GRIK2: variants seen among roughly 807,000 people sequenced by gnomAD.
The protein encoded by GRIK2 is glutamate ionotropic receptor kainate type subunit 2.
In GRIK2, 32 loss-of-function variants were observed where a neutral mutation model predicts 100.3. The ratio of observed to expected loss-of-function variants is 0.32; its 90% CI spans 0.24 to 0.43. GRIK2 has a LOEUF of 0.43. Ranked by LOEUF, GRIK2 falls within the 20% of genes least tolerant of loss-of-function variation. The pLI is 1.00. For missense variants in GRIK2, 843 were observed against 1,114.9 expected (o/e 0.76, Z 3.47); for synonymous variants, 417 against 389.4 (o/e 1.07, Z -0.83).
chr6:102,051,262 TTCCTTCCTTCCTTCCTTCC>T (rs1771174492), intron 15 of GRIK2, among the ~76,000 whole-genome samples: 7 of 125,562 alleles, frequency 5.6e-5, no homozygotes, highest in Non-Finnish European at 1.0e-4. Flanking sequence ...CCTTCCTTCC[TTCCTTCCTTCCTTCCTTCC>T]TTCCTTCCTT....
intron 10 of GRIK2, among the ~76,000 whole-genome samples, chr6:101,830,692 A>G (rs1000161898): frequency 1.3e-5 from 2 of 151,362 alleles, no homozygotes; most frequent in African/African-American, 4.9e-5. Flanking sequence ...AATGGCTATT[A>G]TTAAAAAAGT....
At chr6:101,831,300 T>G (rs972814973) in intron 10 of GRIK2, among the ~76,000 whole-genome samples, 1 of 152,128 alleles carries the variant, frequency 6.6e-6, no homozygotes, top group African/African-American at 2.4e-5. Context: ...TTTTTGATTT[T>G]CACAAACCAG....
intron 2 of GRIK2, among the ~76,000 whole-genome samples, chr6:101,570,468 G>T (rs1237758424): frequency 6.6e-6 from 1 of 151,904 alleles, no homozygotes; most frequent in Non-Finnish European, 1.5e-5. Context: ...TTTCTTTTCT[G>T]CCCAGCCTCC....
At chr6:101,997,649 T>A (rs558466231) in intron 14 of GRIK2, among the ~76,000 whole-genome samples, 1 of 152,186 alleles carries the variant, frequency 6.6e-6, no homozygotes, top group East Asian at 1.9e-4. Flanking sequence ...GTGGTGCCAG[T>A]TAATGTGTCA....
At chr6:102,011,187 C>T in intron 14 of GRIK2, among the ~76,000 whole-genome samples, 1 of 152,118 alleles carries the variant, frequency 6.6e-6, no homozygotes, top group East Asian at 1.9e-4. Context: ...TCTTGTTGTT[C>T]CAGATTCTTA....
intron 13 of GRIK2, 91 bp from the exon 14 acceptor site, chr6:101,928,324 C>T: frequency 1.4e-6 from 1 of 728,118 alleles, no homozygotes; most frequent in East Asian, 2.5e-5. Flanking sequence ...TTTTATTACA[C>T]AGTGATTCCA....
chr6:101,629,103 A>G (rs893937076), intron 4 of GRIK2, among the ~76,000 whole-genome samples: 28 of 152,138 alleles, frequency 1.8e-4, no homozygotes, highest in African/African-American at 6.8e-4. Flanking sequence ...ATAGGGACAT[A>G]TGTATAGCTA....
At chr6:101,584,209 A>T (rs1215481901) in intron 2 of GRIK2, among the ~76,000 whole-genome samples, 2 of 152,070 alleles carry the variant, frequency 1.3e-5, no homozygotes, top group African/African-American at 2.4e-5. Flanking sequence ...ACTTTCCTAG[A>T]TTTAGTGATG....
At chr6:102,047,999 C>T (rs945000960) in intron 15 of GRIK2, among the ~76,000 whole-genome samples, 2 of 151,106 alleles carry the variant, frequency 1.3e-5, no homozygotes, top group South Asian at 4.2e-4. Flanking sequence ...TGGTACTGCC[C>T]CCCTCCCAAG....
intron 7 of GRIK2, among the ~76,000 whole-genome samples, chr6:101,738,862 A>G (rs1775847761): frequency 6.6e-6 from 1 of 152,198 alleles, no homozygotes; most frequent in Non-Finnish European, 1.5e-5. Context: ...CAATAAAGAA[A>G]AATAACATAA....
At chr6:101,672,900 T>C (rs528523901) in intron 4 of GRIK2, among the ~76,000 whole-genome samples, 219 of 152,292 alleles carry the variant, frequency 1.4e-3, no homozygotes, top group Admixed American at 3.3e-3. Flanking sequence ...TGCATGTTTT[T>C]TAATGGTAGA....
intron 14 of GRIK2, among the ~76,000 whole-genome samples, chr6:101,966,752 C>T (rs541140789): frequency 3.9e-5 from 6 of 152,136 alleles, no homozygotes; most frequent in African/African-American, 1.4e-4. Flanking sequence ...TGAATAAATC[C>T]ATCAAAACTG....
intron 4 of GRIK2, among the ~76,000 whole-genome samples, chr6:101,664,596 T>A (rs1769873079): frequency 6.6e-6 from 1 of 152,248 alleles, no homozygotes; most frequent in African/African-American, 2.4e-5. Context: ...CACTGCTTAC[T>A]TTTTGATAAT....
At chr6:101,597,950 G>A (rs1203668843) in intron 2 of GRIK2, among the ~76,000 whole-genome samples, 1 of 151,484 alleles carries the variant, frequency 6.6e-6, no homozygotes, top group East Asian at 1.9e-4. Context: ...CAATCTGGTC[G>A]GGCAGCTGTT....
intron 14 of GRIK2, among the ~76,000 whole-genome samples, chr6:101,952,176 G>A (rs1158107450): frequency 1.3e-5 from 2 of 152,186 alleles, no homozygotes; most frequent in African/African-American, 4.8e-5. Flanking sequence ...GAACCATCCA[G>A]TATGTAACCT....
At chr6:102,061,923 A>T (rs1771773082) in intron 16 of GRIK2, among the ~76,000 whole-genome samples, 1 of 150,422 alleles carries the variant, frequency 6.6e-6, no homozygotes, top group Non-Finnish European at 1.5e-5. Flanking sequence ...CTTAAAAAAA[A>T]TCGTATCATT....
intron 14 of GRIK2, among the ~76,000 whole-genome samples, chr6:101,969,587 G>A (rs1327865821): frequency 6.6e-6 from 1 of 151,890 alleles, no homozygotes; most frequent in Non-Finnish European, 1.5e-5. Flanking sequence ...CTATGATAGA[G>A]CATATGAAAG....
At chr6:101,900,752 G>A (rs190789794) in intron 12 of GRIK2, among the ~76,000 whole-genome samples, 15 of 151,976 alleles carry the variant, frequency 9.9e-5, no homozygotes, top group East Asian at 9.7e-4. Flanking sequence ...AAAACTTTAC[G>A]TGCCTTATAT....
chr6:101,464,800 G>A (rs919845064), intron 2 of GRIK2, among the ~76,000 whole-genome samples: 1 of 152,194 alleles, frequency 6.6e-6, no homozygotes, highest in South Asian at 2.1e-4. Flanking sequence ...GAATACAGGC[G>A]TGAGCCACCG....
Sources: allele counts gnomAD v4.1 joint callset (sites outside exome capture counted in the v4.1 genomes callset), GRCh38; gene constraint gnomAD v4.1.1; transcripts MANE v1.5; gene names NCBI Gene and HGNC (gene_info 2026-07-23, HGNC 2026-07-21).